GRIK2: variants seen among roughly 807,000 people sequenced by gnomAD.
The protein encoded by GRIK2 is glutamate ionotropic receptor kainate type subunit 2.
A neutral mutation model predicts 100.3 loss-of-function variants in GRIK2; 32 were observed. The observed-to-expected ratio is 0.32, with a 90% CI of 0.24 to 0.43. The LOEUF (loss-of-function observed/expected upper bound fraction) is 0.43, where lower values mean the gene tolerates loss of function less well. Among genes scored for constraint, GRIK2 ranks in the 20% least tolerant of loss-of-function variants. The probability of loss-of-function intolerance (pLI) is 1.00; values close to 1 mark genes in which losing one functional copy is unlikely to be tolerated. For missense variants in GRIK2, 843 were observed against 1,114.9 expected (o/e 0.76, Z 3.47); for synonymous variants, 417 against 389.4 (o/e 1.07, Z -0.83).
chr6:101,869,871 C>G (rs1438900924), intron 11 of GRIK2, among the ~76,000 whole-genome samples: 1 of 151,744 alleles, frequency 6.6e-6, no homozygotes, highest in African/African-American at 2.4e-5. Flanking sequence ...TGTTAGAGAT[C>G]AAAGCTTTTT....
At chr6:101,662,608 A>G (rs1201808744) in intron 4 of GRIK2, among the ~76,000 whole-genome samples, 1 of 151,868 alleles carries the variant, frequency 6.6e-6, no homozygotes, top group Non-Finnish European at 1.5e-5. Context: ...ACCAAACACC[A>G]CAGAAGACAT....
chr6:101,637,377 G>C (rs1259955019), intron 4 of GRIK2, among the ~76,000 whole-genome samples: 1 of 152,004 alleles, frequency 6.6e-6, no homozygotes, highest in Non-Finnish European at 1.5e-5. Context: ...CCCGAAATTT[G>C]CTTTTTACTC....
intron 7 of GRIK2, among the ~76,000 whole-genome samples, chr6:101,790,501 G>A (rs1465446411): frequency 6.7e-6 from 1 of 149,064 alleles, no homozygotes; most frequent in East Asian, 2.0e-4. Flanking sequence ...TTATATGCTG[G>A]ATTACATTTA....
At chr6:102,062,307 C>A (rs2114525759) in intron 16 of GRIK2, among the ~76,000 whole-genome samples, 1 of 150,280 alleles carries the variant, frequency 6.7e-6, no homozygotes, top group Middle Eastern at 3.4e-3. Context: ...ATTTAGTATT[C>A]AAAAAATTTA....
intron 12 of GRIK2, among the ~76,000 whole-genome samples, chr6:101,915,849 C>A (rs557111112): frequency 6.6e-6 from 1 of 151,562 alleles, no homozygotes; most frequent in Admixed American, 6.6e-5. Flanking sequence ...AATAAGCAAT[C>A]TATCCCGGAA....
intron 2 of GRIK2, among the ~76,000 whole-genome samples, chr6:101,462,079 AG>A (rs1307493341): frequency 2.6e-5 from 4 of 152,144 alleles, no homozygotes; most frequent in African/African-American, 9.7e-5. Context: ...ATTTTGCTCA[AG>A]TGAAATAGAG....
intron 7 of GRIK2, among the ~76,000 whole-genome samples, chr6:101,722,780 A>G (rs936872895): frequency 4.6e-5 from 7 of 152,090 alleles, no homozygotes; most frequent in Admixed American, 1.3e-4. Flanking sequence ...CTAAGGAAAT[A>G]TGTAAGATGG....
chr6:101,706,138 CAG>C (rs1773281834), intron 7 of GRIK2, among the ~76,000 whole-genome samples: 1 of 151,818 alleles, frequency 6.6e-6, no homozygotes, highest in Admixed American at 6.6e-5. Context: ...GGACATCACT[CAG>C]AGACAGATTT....
At chr6:101,750,482 C>T (rs1424874436) in intron 7 of GRIK2, among the ~76,000 whole-genome samples, 1 of 152,064 alleles carries the variant, frequency 6.6e-6, no homozygotes, top group Non-Finnish European at 1.5e-5. Flanking sequence ...AGCATCAAAC[C>T]TTGTAGAGGA....
Position 101,741,663 on chromosome 6 carries a change from C to T in GRIK2, c.951+55310C>T, listed in dbSNP as rs1415455819. The stretch of plus-strand genomic sequence containing the variant: ...TGGCAGCTGAATTCACAGGAAATTC[C>T]TTGCAGGGGAGTTAATGGGAGCTAT... On this transcript the variant is annotated intron_variant, in intron 7 of 16. Coordinates refer to ENST00000369134, the MANE Select transcript of GRIK2 (RefSeq NM_021956.5). 3.3e-5 allele frequency among the ~76,000 whole-genome samples: 5 copies of T among 152,110 alleles called. 1 individual carries two copies. The highest frequency in any genetic ancestry group is 2.6e-4 in the Admixed American group (4 of 15,270).
chr6:101,748,251 T>C (rs1307691084), intron 7 of GRIK2, among the ~76,000 whole-genome samples: 2 of 152,178 alleles, frequency 1.3e-5, no homozygotes, highest in Non-Finnish European at 2.9e-5. Flanking sequence ...AGATGCATTC[T>C]CTGTTAGGGA....
At chr6:101,421,657 G>A (rs992799463) in intron 2 of GRIK2, among the ~76,000 whole-genome samples, 1 of 149,286 alleles carries the variant, frequency 6.7e-6, no homozygotes, top group Non-Finnish European at 1.5e-5. Flanking sequence ...TAAAAGGAAA[G>A]CTGTTTTTTT....
chr6:102,042,019 T>A (rs1770607301), intron 15 of GRIK2, among the ~76,000 whole-genome samples: 1 of 151,668 alleles, frequency 6.6e-6, no homozygotes, highest in African/African-American at 2.4e-5. Context: ...AATCAGTATA[T>A]TGTAATTAGA....
intron 7 of GRIK2, 91 bp downstream of exon 7, chr6:101,686,444 T>C: frequency 1.1e-6 from 1 of 871,806 alleles, no homozygotes; most frequent in East Asian, 2.5e-5. Context: ...ACATATAAAC[T>C]TCAGTTTAAT....
chr6:101,556,899 T>TGTG (rs1776775693), intron 2 of GRIK2, among the ~76,000 whole-genome samples: 1 of 152,196 alleles, frequency 6.6e-6, no homozygotes, highest in African/African-American at 2.4e-5. Context: ...TTTGGTGAAT[T>TGTG]TGTGGTACTT....
chr6:101,506,643 A>G (rs1016806575), intron 2 of GRIK2, among the ~76,000 whole-genome samples: 1 of 152,148 alleles, frequency 6.6e-6, no homozygotes, highest in Non-Finnish European at 1.5e-5. Context: ...CTAATGACAT[A>G]TACATCAGTC....
intron 2 of GRIK2, among the ~76,000 whole-genome samples, chr6:101,442,022 C>G (rs560361515): frequency 6.7e-6 from 1 of 150,278 alleles, no homozygotes; most frequent in East Asian, 2.0e-4. Flanking sequence ...AGAGGGAAAA[C>G]TCCAAGAGAT....
chr6:101,729,803 T>C (rs1327230266), intron 7 of GRIK2, among the ~76,000 whole-genome samples: 2 of 151,862 alleles, frequency 1.3e-5, no homozygotes, highest in Non-Finnish European at 2.9e-5. Context: ...ATTGTGAAAA[T>C]AGATTTGTCT....
intron 7 of GRIK2, among the ~76,000 whole-genome samples, chr6:101,731,956 A>C (rs1354337594): frequency 6.6e-6 from 1 of 152,082 alleles, no homozygotes; most frequent in East Asian, 1.9e-4. Flanking sequence ...TAGTAAGGGC[A>C]AAAACCTAGA....
Sources: allele counts gnomAD v4.1 joint callset (sites outside exome capture counted in the v4.1 genomes callset), GRCh38; gene constraint gnomAD v4.1.1; transcripts MANE v1.5; gene names NCBI Gene and HGNC (gene_info 2026-07-23, HGNC 2026-07-21).